The following ARSG variants were observed in gnomAD, a reference collection of about 807,000 sequenced individuals.
ARSG encodes the protein arylsulfatase G.
ARSG carries 37 observed loss-of-function variants against 50.5 expected under a neutral mutation model. The ratio of observed to expected loss-of-function variants is 0.73; its 90% CI spans 0.56 to 0.96. The LOEUF (loss-of-function observed/expected upper bound fraction) is 0.96. ARSG is among the 50% of genes least tolerant of loss of function. ARSG has a pLI of 0.00. For synonymous variants in ARSG, 225 were observed against 254.6 expected, an observed-to-expected ratio of 0.88 and a Z score of 1.11; for missense variants, 629 against 675.3, an observed-to-expected ratio of 0.93 and a Z score of 0.76.
chr17:68,304,590 A>G (rs1393927596), intron 1 of ARSG, among the ~76,000 whole-genome samples: 3 of 152,180 alleles, frequency 2.0e-5, no homozygotes, highest in Admixed American at 6.5e-5. Context: ...CAACTGGAAA[A>G]AGTGTCTGTC....
chr17:68,356,956 C>A, intron 6 of ARSG, 152 bp downstream of exon 6: 1 of 964,038 alleles, frequency 1.0e-6, no homozygotes, highest in Non-Finnish European at 1.5e-6. Context: ...ATAAGTAAAG[C>A]TGGAAAACAG....
chr17:68,393,867 C>CAAAAAAAAAAAAAAAAAAAA (rs762829963), intron 9 of ARSG, among the ~76,000 whole-genome samples: 1 of 106,218 alleles, frequency 9.4e-6, no homozygotes, highest in African/African-American at 3.6e-5. Flanking sequence ...GACTCCATCT[C>CAAAAAAAAAAAAAAAAAAAA]AAAAAAAAAA....
intron 9 of ARSG, among the ~76,000 whole-genome samples, chr17:68,386,582 G>C (rs374307641): frequency 1.3e-5 from 2 of 152,132 alleles, no homozygotes; most frequent in Admixed American, 6.5e-5. Context: ...TGCTGTCAGC[G>C]GGTACCAGCA....
At chr17:68,299,127 C>G (rs2076318033) in intron 1 of ARSG, among the ~76,000 whole-genome samples, 1 of 117,580 alleles carries the variant, frequency 8.5e-6, no homozygotes, top group South Asian at 2.7e-4. Flanking sequence ...TTTTTTGAGA[C>G]AGAGTCTCAC....
chr17:68,297,793 C>T (rs141789956), intron 1 of ARSG, among the ~76,000 whole-genome samples: 186 of 152,172 alleles, frequency 1.2e-3, no homozygotes, highest in African/African-American at 4.1e-3. Context: ...ATGTTAGTAA[C>T]GCTTTGGCTT....
intron 11 of ARSG, among the ~76,000 whole-genome samples, chr17:68,415,812 T>A (rs979979821): frequency 1.3e-5 from 2 of 151,990 alleles, no homozygotes; most frequent in African/African-American, 4.8e-5. Flanking sequence ...TAAAGTTGGT[T>A]TTGTCTGATA....
At chr17:68,375,268 A>G (rs887809883) in intron 8 of ARSG, among the ~76,000 whole-genome samples, 2 of 152,212 alleles carry the variant, frequency 1.3e-5, no homozygotes, top group African/African-American at 2.4e-5. Flanking sequence ...CATCTAGACC[A>G]TGAGTCTAGA....
At chr17:68,337,569 G>A (rs2078078419) in intron 2 of ARSG, among the ~76,000 whole-genome samples, 1 of 151,818 alleles carries the variant, frequency 6.6e-6, no homozygotes, top group Admixed American at 6.6e-5. Context: ...ACCCTGAACA[G>A]GCACCTGGAG....
chr17:68,435,818 C>T, the ARSG span: 3 of 1,009,754 alleles, frequency 3.0e-6, no homozygotes, highest in South Asian at 4.2e-5. Flanking sequence ...TTGTCCAGCT[C>T]CCTGTCTCTT....
intron 10 of ARSG, among the ~76,000 whole-genome samples, chr17:68,396,522 G>A (rs1433091825): frequency 6.6e-6 from 1 of 152,238 alleles, no homozygotes; most frequent in East Asian, 1.9e-4. Context: ...AGGCAAGGAG[G>A]CGGAAGGAGC....
At chr17:68,317,292 C>A (rs1353669246) in intron 2 of ARSG, among the ~76,000 whole-genome samples, 1 of 152,024 alleles carries the variant, frequency 6.6e-6, no homozygotes, top group Admixed American at 6.6e-5. Context: ...TTACAGTAGC[C>A]CAGGTCAAAG....
intron 1 of ARSG, among the ~76,000 whole-genome samples, chr17:68,276,664 G>GGCTA (rs1425638540): frequency 2.0e-5 from 3 of 151,962 alleles, no homozygotes; most frequent in African/African-American, 7.3e-5. Context: ...ATGTTGCCCA[G>GGCTA]GCTAGTCTCA....
chr17:68,265,694 G>T (rs2075144934), intron 1 of ARSG, among the ~76,000 whole-genome samples: 3 of 142,016 alleles, frequency 2.1e-5, no homozygotes, highest in Non-Finnish European at 4.5e-5. Flanking sequence ...GTGGTCCACA[G>T]GCCAAATCCA....
chr17:68,450,741 C>T, the ARSG span: 1 of 1,612,288 alleles, frequency 6.2e-7, no homozygotes, highest in Non-Finnish European at 8.5e-7. Flanking sequence ...CCGGTTCAGC[C>T]TTATGGACAA....
At chr17:68,384,723 T>C (rs138895509) in intron 8 of ARSG, among the ~76,000 whole-genome samples, 87 of 152,172 alleles carry the variant, frequency 5.7e-4, no homozygotes, top group African/African-American at 2.0e-3. Flanking sequence ...CACTATGTCT[T>C]AGGTGCATGA....
chr17:68,431,922 C>T, the ARSG span, among the ~76,000 whole-genome samples: 10 of 152,266 alleles, frequency 6.6e-5, no homozygotes, highest in Admixed American at 3.3e-4. Context: ...ATCACTCACT[C>T]GTGGAACCTT....
At position 68,376,276 on chromosome 17, in the gene ARSG, C is replaced by CGTTTTTTTTTTTTT. The variant is rs149045241; in HGVS notation, c.982+5752_982+5753insGTTTTTTTTTTTTT. ...CAGGAGTGTGCCACTGCGCCCCCTG[C>CGTTTTTTTTTTTTT]ATTTTTTTTTTTTTTTCTGAGATAG... On this transcript the variant is annotated intron_variant, in intron 8 of 11. Transcript: ENST00000621439. 1.5e-5 allele frequency among the ~76,000 whole-genome samples: 2 copies of CGTTTTTTTTTTTTT among 131,944 alleles called. 1 individual carries two copies. Among genetic ancestry groups the CGTTTTTTTTTTTTT allele is most frequent in the Non-Finnish European group, 3.1e-5 (2 of 63,710 alleles). The allele number at this position is 131,944 out of a possible 152,430, so 86.6% of individuals were successfully genotyped here.
At chr17:68,322,687 C>G (rs1233788455) in intron 2 of ARSG, among the ~76,000 whole-genome samples, 1 of 151,676 alleles carries the variant, frequency 6.6e-6, no homozygotes, top group Non-Finnish European at 1.5e-5. Context: ...AGGACGTTAA[C>G]AAGCCCACGG....
the ARSG span, among the ~76,000 whole-genome samples, chr17:68,443,147 G>T: frequency 9.9e-5 from 15 of 152,104 alleles, no homozygotes; most frequent in African/African-American, 3.1e-4. Flanking sequence ...GTCTCGATCT[G>T]TTGCCCAGGC....
Sources: gnomAD v4.1 joint callset for allele counts (sites outside exome capture counted in the v4.1 genomes callset) on GRCh38, gnomAD v4.1.1 for gene constraint, MANE v1.5 for transcripts, NCBI Gene and HGNC (gene_info 2026-07-23, HGNC 2026-07-21) for gene names.